AGBL1: variants seen among roughly 807,000 people sequenced by gnomAD.
The protein encoded by AGBL1 is cytosolic carboxypeptidase 4.
A neutral mutation model predicts 118.9 loss-of-function variants in AGBL1; 130 were observed. The ratio of observed to expected loss-of-function variants is 1.09; its 90% CI spans 0.95 to 1.26. AGBL1 has a LOEUF of 1.26. AGBL1 is among the 50% of genes most tolerant of loss of function. The pLI, the probability that AGBL1 is intolerant of heterozygous loss-of-function variation, is 0.00. For synonymous variants in AGBL1, 555 were observed against 478.9 expected, an observed-to-expected ratio of 1.16 and a Z score of -2.08; for missense variants, 1,584 against 1,298.1, an observed-to-expected ratio of 1.22 and a Z score of -3.38.
At chr15:86,637,794 T>G (rs1219088810) in intron 21 of AGBL1, among the ~76,000 whole-genome samples, 1 of 152,198 alleles carries the variant, frequency 6.6e-6, no homozygotes, top group Non-Finnish European at 1.5e-5. Flanking sequence ...CCAGACTGTT[T>G]GCTTTTATAT....
At chr15:86,585,830 C>A (rs1163607309) in intron 21 of AGBL1, among the ~76,000 whole-genome samples, 1 of 152,162 alleles carries the variant, frequency 6.6e-6, no homozygotes, top group Non-Finnish European at 1.5e-5. Context: ...CCAGGAATTG[C>A]ATTCAAAGTA....
chr15:86,318,667 TA>T (rs1425723473), intron 17 of AGBL1, among the ~76,000 whole-genome samples: 1 of 149,290 alleles, frequency 6.7e-6, no homozygotes, highest in Non-Finnish European at 1.5e-5. Flanking sequence ...AGGGTATTTA[TA>T]AGATTTGAAG....
chr15:86,095,514 T>C (rs752516990), intron 1 of AGBL1, among the ~76,000 whole-genome samples: 1 of 152,070 alleles, frequency 6.6e-6, no homozygotes, highest in Non-Finnish European at 1.5e-5. Context: ...GACCAGGGAC[T>C]AAGACCAAAT....
At chr15:86,713,033 G>C (rs557342754) in intron 22 of AGBL1, among the ~76,000 whole-genome samples, 1 of 152,144 alleles carries the variant, frequency 6.6e-6, no homozygotes, top group African/African-American at 2.4e-5. Context: ...TTGTGTGTCT[G>C]TTTCCCCAGG....
At chr15:86,753,610 C>G (rs577018515) in intron 22 of AGBL1, among the ~76,000 whole-genome samples, 192 of 152,052 alleles carry the variant, frequency 1.3e-3, no homozygotes, top group African/African-American at 4.4e-3. Flanking sequence ...ATTGGCCAGG[C>G]TTGTCTTGAA....
At chr15:86,609,079 G>A (rs1038339098) in intron 21 of AGBL1, among the ~76,000 whole-genome samples, 1 of 152,140 alleles carries the variant, frequency 6.6e-6, no homozygotes, top group Non-Finnish European at 1.5e-5. Flanking sequence ...TGTGCGGGTT[G>A]GCTCTTGTGA....
chr15:86,838,936 T>A lies in AGBL1; in HGVS notation c.3159-68151T>A, dbSNP rs1296996186. On this transcript the variant is annotated intron_variant, in intron 22 of 22. Transcript: ENST00000614907. ...CTCCACCCCGGGCAACAGAATGAGA[T>A]CCTGTAAAAAAAAAAAAAAAAAAAA... 9.7e-5 allele frequency among the ~76,000 whole-genome samples: 6 copies of A among 61,918 alleles called. No homozygotes were observed. The East Asian group carries it at 1.5e-3, about 15-fold the overall frequency. The allele number at this position is 61,918 out of a possible 152,430, so 40.6% of individuals were successfully genotyped here. A position where few individuals can be genotyped will look rare whatever the true frequency, so the allele number is the denominator to read the frequency against.
intron 21 of AGBL1, among the ~76,000 whole-genome samples, chr15:86,590,641 A>G (rs2084321273): frequency 6.6e-6 from 1 of 152,176 alleles, no homozygotes; most frequent in South Asian, 2.1e-4. Flanking sequence ...ACAGGTAGCA[A>G]CCCTCAGAGA....
At chr15:86,147,492 G>A (rs931891169) in intron 3 of AGBL1, among the ~76,000 whole-genome samples, 5 of 152,196 alleles carry the variant, frequency 3.3e-5, no homozygotes, top group Admixed American at 2.0e-4. Context: ...CCACACCCAC[G>A]GAGCCTTGCT....
At chr15:86,353,473 C>T (rs2080663970) in intron 17 of AGBL1, among the ~76,000 whole-genome samples, 1 of 152,292 alleles carries the variant, frequency 6.6e-6, no homozygotes, top group South Asian at 2.1e-4. Context: ...CTGTGGAGAA[C>T]ATTAATGAAA....
At chr15:86,318,073 G>A (rs1262675235) in intron 17 of AGBL1, among the ~76,000 whole-genome samples, 2 of 152,136 alleles carry the variant, frequency 1.3e-5, no homozygotes. Context: ...TGGGCATTGG[G>A]AATACAGCAG....
At chr15:86,110,225 C>G (rs1459652107) in intron 1 of AGBL1, among the ~76,000 whole-genome samples, 1 of 152,204 alleles carries the variant, frequency 6.6e-6, no homozygotes, top group Non-Finnish European at 1.5e-5. Flanking sequence ...GTTAGGGGCA[C>G]TGACCCCTGT....
chr15:86,537,240 A>G (rs1418083826), intron 19 of AGBL1, among the ~76,000 whole-genome samples: 1 of 152,238 alleles, frequency 6.6e-6, no homozygotes, highest in African/African-American at 2.4e-5. Flanking sequence ...CAAAAAGACT[A>G]GTCTGAATCC....
intron 6 of AGBL1, among the ~76,000 whole-genome samples, chr15:86,226,334 A>G (rs2078362484): frequency 6.6e-6 from 1 of 152,190 alleles, no homozygotes; most frequent in Admixed American, 6.5e-5. Flanking sequence ...AAAGATGCTG[A>G]GAGCAGCCTG....
chr15:86,697,615 C>T (rs1486917782), intron 22 of AGBL1, among the ~76,000 whole-genome samples: 1 of 151,598 alleles, frequency 6.6e-6, no homozygotes, highest in Admixed American at 6.6e-5. Context: ...GGTTTGGCTC[C>T]ATTGCTGGTG....
intron 23 of AGBL1, among the ~76,000 whole-genome samples, chr15:86,925,176 A>G (rs1182542469): frequency 6.8e-3 from 67 of 9,864 alleles, no homozygotes; most frequent in Middle Eastern, 0.042. Flanking sequence ...AGGAAGAGGA[A>G]GAGGAAGAGG....
intron 18 of AGBL1, among the ~76,000 whole-genome samples, chr15:86,422,064 C>T (rs1596094421): frequency 6.6e-6 from 1 of 152,160 alleles, no homozygotes; most frequent in Non-Finnish European, 1.5e-5. Context: ...CAAGGATATT[C>T]AGGACTTGAA....
chr15:86,893,729 C>T (rs919912748), intron 22 of AGBL1, among the ~76,000 whole-genome samples: 8 of 152,070 alleles, frequency 5.3e-5, no homozygotes, highest in African/African-American at 1.4e-4. Context: ...TATTTTCATA[C>T]TTTGTCTCCA....
At chr15:86,701,107 A>G (rs772436946) in intron 22 of AGBL1, among the ~76,000 whole-genome samples, 1 of 152,192 alleles carries the variant, frequency 6.6e-6, no homozygotes, top group Non-Finnish European at 1.5e-5. Context: ...GATCATTTGC[A>G]TTCCATTATC....
Sources: gnomAD v4.1 joint callset for allele counts (sites outside exome capture counted in the v4.1 genomes callset) on GRCh38, gnomAD v4.1.1 for gene constraint, MANE v1.5 for transcripts, NCBI Gene and HGNC (gene_info 2026-07-23, HGNC 2026-07-21) for gene names.